FBXL7: variants seen among roughly 807,000 people sequenced by gnomAD.
FBXL7 encodes the protein F-box/LRR-repeat protein 7.
Under a neutral mutation model 38.3 loss-of-function variants are expected in FBXL7, and 12 were observed. The ratio of observed to expected loss-of-function variants is 0.31; its 90% CI spans 0.20 to 0.51. FBXL7 has a LOEUF of 0.51. FBXL7 is among the 20% of genes least tolerant of loss of function. The pLI is 0.98. For missense variants in FBXL7, 567 were observed against 676.4 expected (o/e 0.84, Z 1.79); for synonymous variants, 297 against 300.9 (o/e 0.99, Z 0.13).
intron 2 of FBXL7, among the ~76,000 whole-genome samples, chr5:15,797,837 C>T (rs942084966): frequency 6.6e-6 from 1 of 152,086 alleles, no homozygotes; most frequent in Non-Finnish European, 1.5e-5. Context: ...TAAAAATATA[C>T]GTTTATGCTC....
intron 2 of FBXL7, among the ~76,000 whole-genome samples, chr5:15,914,058 A>T (rs1422766029): frequency 1.3e-5 from 2 of 152,140 alleles, no homozygotes; most frequent in Non-Finnish European, 2.9e-5. Flanking sequence ...ATTTTTATTT[A>T]TTGTGAGTTT....
At chr5:15,738,285 A>G (rs968253476) in intron 2 of FBXL7, among the ~76,000 whole-genome samples, 1 of 152,220 alleles carries the variant, frequency 6.6e-6, no homozygotes, top group Non-Finnish European at 1.5e-5. Flanking sequence ...AAGTAAAATA[A>G]TATAATAAAG....
chr5:15,933,850 G>T (rs866726632), intron 3 of FBXL7, among the ~76,000 whole-genome samples: 1 of 152,304 alleles, frequency 6.6e-6, no homozygotes, highest in South Asian at 2.1e-4. Context: ...AGTGTCCGAA[G>T]TGAGGCGCCT....
chr5:15,860,292 T>G (rs1739421509), intron 2 of FBXL7, among the ~76,000 whole-genome samples: 1 of 152,214 alleles, frequency 6.6e-6, no homozygotes, highest in Admixed American at 6.5e-5. Flanking sequence ...ATTTATTAAG[T>G]ATGAGAAAAT....
In FBXL7 at chr5:15,589,323, G is replaced by A. The variant is rs145243617; in HGVS notation, c.38-26660G>A. On this transcript the variant is annotated intron_variant, in intron 1 of 3. Coordinates refer to ENST00000504595, the MANE Select transcript of FBXL7 (RefSeq NM_012304.5). ...GACTTGTGGGGGATGATTGAATCTC[G>A]GGGGTGGATTTCCCCCGGCTTTTCT... Among the ~76,000 whole-genome samples, 250 of 152,176 alleles carry A rather than the reference G, an allele frequency of 1.6e-3. 1 individual carries two copies. The highest frequency in any genetic ancestry group is 5.7e-3 in the African/African-American group (237 of 41,536).
In FBXL7 at chr5:15,854,459, G is replaced by A. The variant is rs184885413; in HGVS notation, c.128-73431G>A. On this transcript the variant is annotated intron_variant, in intron 2 of 3. Coordinates refer to ENST00000504595, the MANE Select transcript of FBXL7 (RefSeq NM_012304.5). ...ATGTGCCATGTGACTTTACCTGAAT[G>A]TTAATTACATTAGCATGCTTTAGTG... 2.6e-3 allele frequency among the ~76,000 whole-genome samples: 401 copies of A among 152,228 alleles called. 1 individual carries two copies. The highest frequency in any genetic ancestry group is 4.5e-3 in the Non-Finnish European group (303 of 68,012).
intron 2 of FBXL7, among the ~76,000 whole-genome samples, chr5:15,667,504 C>T (rs77448729): frequency 0.025 from 3,793 of 152,248 alleles, 82 homozygotes; most frequent in East Asian, 0.053. Flanking sequence ...GGATGAGGAT[C>T]ACCCTAAATT....
intron 2 of FBXL7, among the ~76,000 whole-genome samples, chr5:15,671,727 G>A (rs1561078952): frequency 6.6e-6 from 1 of 152,164 alleles, no homozygotes; most frequent in African/African-American, 2.4e-5. Context: ...TCAGAATTTT[G>A]TCAATGGTGG....
intron 2 of FBXL7, among the ~76,000 whole-genome samples, chr5:15,838,416 T>G (rs1579507404): frequency 1.3e-5 from 2 of 151,896 alleles, no homozygotes; most frequent in Admixed American, 6.6e-5. Flanking sequence ...CACTCATGAG[T>G]GCTCCACCCT....
At chr5:15,770,898 G>A (rs971273686) in intron 2 of FBXL7, among the ~76,000 whole-genome samples, 1 of 152,162 alleles carries the variant, frequency 6.6e-6, no homozygotes, top group Non-Finnish European at 1.5e-5. Context: ...AGGCAGGCAC[G>A]ATGTTAGATT....
intron 2 of FBXL7, among the ~76,000 whole-genome samples, chr5:15,728,164 A>T (rs1406263075): frequency 6.6e-6 from 1 of 152,098 alleles, no homozygotes; most frequent in Non-Finnish European, 1.5e-5. Flanking sequence ...TCAGCACTTT[A>T]AGATAACTGT....
intron 2 of FBXL7, among the ~76,000 whole-genome samples, chr5:15,659,377 A>G (rs1461616203): frequency 3.3e-5 from 5 of 152,238 alleles, no homozygotes; most frequent in Non-Finnish European, 7.3e-5. Context: ...GAAACTAAAA[A>G]TATCATTAGT....
intron 2 of FBXL7, among the ~76,000 whole-genome samples, chr5:15,853,379 G>T (rs1228810206): frequency 6.6e-6 from 1 of 152,124 alleles, no homozygotes; most frequent in East Asian, 1.9e-4. Flanking sequence ...TGAGAAAGGG[G>T]TTACTAGTTG....
chr5:15,842,379 T>C (rs923870247), intron 2 of FBXL7, among the ~76,000 whole-genome samples: 7 of 152,242 alleles, frequency 4.6e-5, no homozygotes, highest in African/African-American at 1.7e-4. Flanking sequence ...CCAATACCTG[T>C]ACCCACATTG....
At chr5:15,521,036 G>T (rs968305065) in intron 1 of FBXL7, among the ~76,000 whole-genome samples, 1 of 152,184 alleles carries the variant, frequency 6.6e-6, no homozygotes, top group East Asian at 1.9e-4. Flanking sequence ...AACAGAGAGC[G>T]TAGTTGCTAA....
intron 2 of FBXL7, among the ~76,000 whole-genome samples, chr5:15,771,098 G>A (rs891526896): frequency 5.3e-5 from 8 of 152,170 alleles, no homozygotes; most frequent in African/African-American, 9.7e-5. Flanking sequence ...CCTTCTCTGC[G>A]ACAAAAGTTA....
At chr5:15,860,389 G>C (rs1739425670) in intron 2 of FBXL7, among the ~76,000 whole-genome samples, 1 of 152,072 alleles carries the variant, frequency 6.6e-6, no homozygotes, top group African/African-American at 2.4e-5. Flanking sequence ...TGGCTGTCCT[G>C]CTTGATTTAT....
chr5:15,510,970 G>A (rs75164324), intron 1 of FBXL7, among the ~76,000 whole-genome samples: 1,753 of 152,226 alleles, frequency 0.012, 37 homozygotes, highest in African/African-American at 0.041. Context: ...ACTGAGTCAC[G>A]CCGGATTTCC....
chr5:15,619,933 T>C (rs1740572941), intron 2 of FBXL7, among the ~76,000 whole-genome samples: 2 of 152,180 alleles, frequency 1.3e-5, no homozygotes, highest in Admixed American at 6.5e-5. Context: ...AGAAAACTCA[T>C]GCAATTGTGC....
Sources: gnomAD v4.1 joint callset for allele counts (sites outside exome capture counted in the v4.1 genomes callset) on GRCh38, gnomAD v4.1.1 for gene constraint, MANE v1.5 for transcripts, NCBI Gene and HGNC (gene_info 2026-07-23, HGNC 2026-07-21) for gene names.